MYH10: variants seen among roughly 807,000 people sequenced by gnomAD.
MYH10 encodes the protein myosin-10.
In MYH10, 55 loss-of-function variants were observed where a neutral mutation model predicts 257.8. That is an observed-to-expected ratio of 0.21 (90% CI 0.17 to 0.27). The LOEUF is 0.27. MYH10 is among the 10% of genes least tolerant of loss of function. The pLI is 1.00. For missense variants in MYH10, 1,631 were observed against 2,500.6 expected (o/e 0.65, Z 7.42); for synonymous variants, 854 against 921.7 (o/e 0.93, Z 1.33).
intron 28 of MYH10, among the ~76,000 whole-genome samples, chr17:8,503,887 G>T (rs1281224611): frequency 6.6e-6 from 1 of 152,092 alleles, no homozygotes; most frequent in East Asian, 1.9e-4. Context: ...GGACTCCTGG[G>T]GTGGCCCTGA....
At chr17:8,578,673 T>C (rs909269865) in intron 4 of MYH10, among the ~76,000 whole-genome samples, 1 of 152,180 alleles carries the variant, frequency 6.6e-6, no homozygotes, top group Non-Finnish European at 1.5e-5. Flanking sequence ...AAAGTTTTCA[T>C]TTCTACTCAC....
chr17:8,573,510 G>C (rs1337633565), intron 6 of MYH10, among the ~76,000 whole-genome samples: 1 of 152,164 alleles, frequency 6.6e-6, no homozygotes, highest in African/African-American at 2.4e-5. Flanking sequence ...ATCATTTGTA[G>C]GGGACGGTCA....
intron 10 of MYH10, 52 bp from the exon 11 acceptor site, chr17:8,548,460 G>T: frequency 6.9e-7 from 1 of 1,438,880 alleles, no homozygotes. Flanking sequence ...AAAATGTAGC[G>T]GAGACATATT....
At chr17:8,488,077 G>A (rs181967476) in intron 35 of MYH10, among the ~76,000 whole-genome samples, 1,790 of 152,248 alleles carry the variant, frequency 0.012, 111 homozygotes, top group Admixed American at 0.1. Flanking sequence ...CAGCAGGAAA[G>A]GGGGGAGCAG....
At chr17:8,510,054 T>TTC in intron 24 of MYH10, 105 bp from the exon 25 acceptor site, 1 of 1,243,376 alleles carries the variant, frequency 8.0e-7, no homozygotes, top group South Asian at 1.8e-5. Context: ...TTTTTTTTTT[T>TTC]TTGACACGGA....
At chr17:8,503,724 G>C (rs1462721122) in intron 28 of MYH10, among the ~76,000 whole-genome samples, 1 of 152,140 alleles carries the variant, frequency 6.6e-6, no homozygotes, top group Non-Finnish European at 1.5e-5. Context: ...GGCCACACTT[G>C]CATTCATAAA....
chr17:8,545,841 C>T lies in MYH10; in HGVS notation c.1279-241G>A, dbSNP rs973045044. The stretch of plus-strand genomic sequence containing the variant: ...TAATAAAAATAAGCTCCTCCCCATG[C>T]GCCTGGGTCCTGGGTAGCACTGTCC... On this transcript the variant is annotated intron_variant, in intron 12 of 42. Transcript: ENST00000360416. This position sits in a 1 kb window ranked among gnomAD's most constrained non-coding sequence, Gnocchi z 4.7. Among the ~76,000 whole-genome samples, 2 of 152,042 alleles carry T rather than the reference C, an allele frequency of 1.3e-5. No homozygotes were observed. The highest frequency in any genetic ancestry group is 2.4e-5 in the African/African-American group (1 of 41,380).
chr17:8,565,768 G>C (rs556959531), intron 7 of MYH10, among the ~76,000 whole-genome samples: 1 of 152,274 alleles, frequency 6.6e-6, no homozygotes, highest in Non-Finnish European at 1.5e-5. Flanking sequence ...CTTCTTTCCT[G>C]TGTGCTGCTT....
chr17:8,608,330 C>T (rs965596818), intron 2 of MYH10, among the ~76,000 whole-genome samples: 2 of 152,228 alleles, frequency 1.3e-5, no homozygotes, highest in Non-Finnish European at 2.9e-5. Context: ...ACAACAGGGC[C>T]TAGATGACAG....
chr17:8,476,801 T>C (rs1912717900), intron 42 of MYH10, 75 bp downstream of exon 42: 1 of 1,490,806 alleles, frequency 6.7e-7, no homozygotes, highest in Admixed American at 2.0e-5. Context: ...AAACTTCCTC[T>C]GACCAGCTGC....
chr17:8,527,143 C>T (rs2081872235), intron 17 of MYH10, among the ~76,000 whole-genome samples: 1 of 152,180 alleles, frequency 6.6e-6, no homozygotes, highest in Non-Finnish European at 1.5e-5. Flanking sequence ...ATCAGTCTGT[C>T]TCCATAATAT....
At chr17:8,618,146 A>C (rs1290014931) in intron 2 of MYH10, among the ~76,000 whole-genome samples, 3 of 152,202 alleles carry the variant, frequency 2.0e-5, no homozygotes, top group Non-Finnish European at 4.4e-5. Flanking sequence ...GCAGACTTAC[A>C]GATATTTAGT....
At chr17:8,612,890 T>G (rs996414006) in intron 2 of MYH10, among the ~76,000 whole-genome samples, 1 of 151,942 alleles carries the variant, frequency 6.6e-6, no homozygotes, top group African/African-American at 2.4e-5. Flanking sequence ...TATGTATGTA[T>G]AGGAAAAAAC....
intron 7 of MYH10, among the ~76,000 whole-genome samples, chr17:8,567,287 A>G (rs1162358351): frequency 1.3e-5 from 2 of 152,228 alleles, no homozygotes; most frequent in African/African-American, 4.8e-5. Context: ...TCCTACTGAC[A>G]CAGGCACATT....
intron 4 of MYH10, among the ~76,000 whole-genome samples, chr17:8,586,738 A>G (rs2083928448): frequency 1.3e-5 from 2 of 152,182 alleles, no homozygotes; most frequent in Admixed American, 1.3e-4. Context: ...GGGTAACAAA[A>G]TAAGTACTCA....
At chr17:8,492,246 C>A (rs1915876904) in intron 34 of MYH10, 51 bp downstream of exon 34, 2 of 1,566,614 alleles carry the variant, frequency 1.3e-6, no homozygotes, top group Admixed American at 1.7e-5. Flanking sequence ...AAGGCCCAGG[C>A]CCCTGGGATA....
intron 3 of MYH10, among the ~76,000 whole-genome samples, chr17:8,600,152 A>T (rs1360651173): frequency 6.6e-6 from 1 of 152,228 alleles, no homozygotes; most frequent in Non-Finnish European, 1.5e-5. Flanking sequence ...CAACCCAAGT[A>T]ACAGCATTAA....
At chr17:8,575,970 T>C (rs268461) in intron 6 of MYH10, among the ~76,000 whole-genome samples, 58,016 of 151,922 alleles carry the variant, frequency 0.38, 11,046 homozygotes, top group East Asian at 0.5. Context: ...ATTAAGAAAA[T>C]TGTAATTGAT....
intron 8 of MYH10, among the ~76,000 whole-genome samples, chr17:8,553,023 GC>G (rs749136678): frequency 7.9e-5 from 12 of 152,212 alleles, no homozygotes. Flanking sequence ...GAAGATGTTT[GC>G]CTCTCTTGAG....
Sources: allele counts gnomAD v4.1 joint callset (sites outside exome capture counted in the v4.1 genomes callset), GRCh38; gene constraint gnomAD v4.1.1; non-coding constraint Gnocchi (gnomAD v3.1); transcripts MANE v1.5; gene names NCBI Gene and HGNC (gene_info 2026-07-23, HGNC 2026-07-21).